HSP90B1: variants seen among roughly 807,000 people sequenced by gnomAD.
HSP90B1 encodes endoplasmin.
HSP90B1 carries 27 observed loss-of-function variants against 100.4 expected under a neutral mutation model. That is an observed-to-expected ratio of 0.27 (90% confidence interval 0.20 to 0.37). The LOEUF (loss-of-function observed/expected upper bound fraction) is 0.37, where lower values mean the gene tolerates loss of function less well. Ranked by LOEUF, HSP90B1 falls within the 10% of genes least tolerant of loss-of-function variation. The pLI, the probability that HSP90B1 is intolerant of heterozygous loss-of-function variation, is 1.00. For missense variants in HSP90B1, 678 were observed against 960.5 expected (o/e 0.71, Z 3.89); for synonymous variants, 304 against 330.8 (o/e 0.92, Z 0.88).
Position 103,932,348 on chromosome 12 carries a change from AG to A in HSP90B1, c.225del (p.Lys75AsnfsTer11). The A allele has an allele frequency of 6.2e-7, 1 of 1,613,398 alleles. No individual in the cohort carries two copies. Among genetic ancestry groups the A allele is most frequent in the Non-Finnish European group, 8.5e-7 (1 of 1,179,512 alleles). On this transcript the variant is annotated frameshift_variant, in exon 3 of 18. Transcript: ENST00000299767. LOFTEE classifies it high-confidence loss of function. The part of the protein sequence containing the change: ...QIRELREKSE[K>X]FAFQAEVNRM... ...AGAGAACTTAGAGAGAAGTCGGAAA[AG>A]TTTGCCTTCCAAGCCGAAGTTAACA...
At chr12:103,937,848 C>A in intron 6 of HSP90B1, 42 bp downstream of exon 6, 1 of 1,005,686 alleles carries the variant, frequency 9.9e-7, no homozygotes, top group Non-Finnish European at 1.5e-6. Context: ...ATTACCTTGG[C>A]ACGTATTTAA....
In HSP90B1 at chr12:103,947,798, C is replaced by A. The variant is rs1248739371; in HGVS notation, c.*136C>A. Reference sequence around the variant, plus strand: ...CTGTAAAATGTGGGATTATGGGTCACAGGAAAAAGTGGGTTTTTTAGTTGA... The same window carrying A: ...CTGTAAAATGTGGGATTATGGGTCAAAGGAAAAAGTGGGTTTTTTAGTTGA... On this transcript the variant is annotated 3_prime_UTR_variant, in exon 18 of 18. Transcript: ENST00000299767. The A allele has an allele frequency of 2.6e-6, 2 of 782,656 alleles. No individual in the cohort carries two copies. The allele number at this position is 782,656 out of a possible 1,614,324, so 48.5% of individuals were successfully genotyped here. A position where few individuals can be genotyped will look rare whatever the true frequency, so the allele number is the denominator to read the frequency against.
chr12:103,941,342 C>A, intron 8 of HSP90B1, 68 bp from the exon 9 acceptor site: 1 of 1,506,794 alleles, frequency 6.6e-7, no homozygotes, highest in Non-Finnish European at 9.1e-7. Context: ...CCACATAGTA[C>A]ATTGCTTAGT....
Position 103,934,299 on chromosome 12 carries a change from C to T in HSP90B1, c.743+12C>T. The T allele has an allele frequency of 6.3e-7, 1 of 1,584,028 alleles. No homozygotes were observed. Among genetic ancestry groups the T allele is most frequent in the Non-Finnish European group, 8.7e-7 (1 of 1,154,038 alleles). On this transcript the variant is annotated intron_variant, in intron 5 of 17. Transcript: ENST00000299767. ...GGAACGACAATTACGTGAGTATGAC[C>T]AATTCCTTATAAGAATTAATAGTCA...
Position 103,938,472 on chromosome 12 carries a change from T to TA in HSP90B1, c.975+14dup. 6.2e-7 allele frequency: 1 copy of TA among 1,608,156 alleles called. No individual in the cohort carries two copies. Among genetic ancestry groups the TA allele is most frequent in the Non-Finnish European group, 8.5e-7 (1 of 1,177,740 alleles). ...AAAGACTAAAAAAGTAAGTCTGGTT[T>TA]ATCTCCCTGCATAAGATATTGTTTA... is the stretch of plus-strand genomic sequence containing the variant. On this transcript the variant is annotated intron_variant, in intron 7 of 17. Coordinates refer to ENST00000299767, the MANE Select transcript of HSP90B1 (RefSeq NM_003299.3).
intron 6 of HSP90B1, among the ~76,000 whole-genome samples, 177 bp downstream of exon 6, chr12:103,937,983 A>G (rs781649345): frequency 6.6e-6 from 1 of 152,168 alleles, no homozygotes; most frequent in Non-Finnish European, 1.5e-5. Flanking sequence ...CCTGGCCAAC[A>G]TGGCGAAACC....
At chr12:103,944,844 G>A (rs1870183523) in intron 14 of HSP90B1, among the ~76,000 whole-genome samples, 1 of 152,200 alleles carries the variant, frequency 6.6e-6, no homozygotes, top group East Asian at 1.9e-4. Flanking sequence ...GTGGGCCACT[G>A]CGCCTGGCCA....
chr12:103,933,639 A>T (rs777787854), intron 4 of HSP90B1, among the ~76,000 whole-genome samples: 11 of 152,248 alleles, frequency 7.2e-5, no homozygotes, highest in Non-Finnish European at 1.2e-4. Context: ...TATTCTAGTA[A>T]AGAAATAGGC....
chr12:103,942,637 T>A lies in HSP90B1; in HGVS notation c.1485T>A (p.Gly495=). The A allele has an allele frequency of 6.2e-7, 1 of 1,614,044 alleles. No homozygotes were observed. Reference sequence around the variant, plus strand: ...AATTTGGTACCAACATCAAGCTTGGTGTGATTGAAGACCACTCGAATCGAA... The same window carrying A: ...AATTTGGTACCAACATCAAGCTTGGAGTGATTGAAGACCACTCGAATCGAA... ...WKEFGTNIKL[G]VIEDHSNRTR... Residue 495 remains glycine (G), a synonymous_variant, in exon 12 of 18, where the codon GGT becomes GGA. Transcript: ENST00000299767.
chr12:103,932,312 C>T lies in HSP90B1; in HGVS notation c.188C>T (p.Ala63Val), dbSNP rs1277061078. The change falls in exon 3 of 18, where the codon GCA becomes GTA. Residue 63 changes from alanine (A) to valine (V), a missense_variant. Physicochemically the swap from Ala to Val is moderately conservative, Grantham distance 64. Around this residue, in one of 8 missense-constraint regions of HSP90B1, gnomAD observed 88 missense variants for 88.2 expected, o/e 1.00. Coordinates refer to ENST00000299767, the MANE Select transcript of HSP90B1 (RefSeq NM_003299.3). ...EEAIQLDGLN[A>V]SQIRELREKS... Reference sequence around the variant, plus strand: ...GCTATTCAGTTGGATGGATTAAATGCATCACAAATAAGAGAACTTAGAGAG... The same window carrying T: ...GCTATTCAGTTGGATGGATTAAATGTATCACAAATAAGAGAACTTAGAGAG... The T allele has an allele frequency of 6.2e-7, 1 of 1,612,334 alleles. No homozygotes were observed. Among genetic ancestry groups the T allele is most frequent in the East Asian group, 2.2e-5 (1 of 44,814 alleles).
rs115211950 is a variant in HSP90B1, at chr12:103,937,435, G to A, written c.744-260G>A. Among the ~76,000 whole-genome samples, 1,065 of 152,226 alleles carry A rather than the reference G, an allele frequency of 7.0e-3. 10 individuals carry two copies. Among genetic ancestry groups the A allele is most frequent in the African/African-American group, 0.024 (1,006 of 41,530 alleles). Reference sequence around the variant, plus strand: ...AAAAATGAAAACAATCTATTCAGACGGTTGGGAATATTTTAATTTTCTACT... The same window carrying A: ...AAAAATGAAAACAATCTATTCAGACAGTTGGGAATATTTTAATTTTCTACT... On this transcript the variant is annotated intron_variant, in intron 5 of 17. Transcript: ENST00000299767.
At chr12:103,939,474 T>C (rs17034955) in intron 7 of HSP90B1, 35 bp from the exon 8 acceptor site, 20,317 of 967,710 alleles carry the variant, frequency 0.021, 295 homozygotes, top group Middle Eastern at 0.055. Context: ...TGGTGAGTGC[T>C]GAGAGAGACT....
intron 2 of HSP90B1, 188 bp downstream of exon 2, chr12:103,931,811 C>T: frequency 3.1e-6 from 2 of 640,090 alleles, no homozygotes; most frequent in South Asian, 1.5e-5. Flanking sequence ...TGAGTGAATT[C>T]CTTTGAAAAC....
intron 8 of HSP90B1, 57 bp downstream of exon 8, chr12:103,939,682 C>T (rs1419911117): frequency 1.3e-6 from 1 of 785,232 alleles, no homozygotes; most frequent in Non-Finnish European, 2.1e-6. Flanking sequence ...AAATATCACC[C>T]TCTTAGTTTA....
intron 6 of HSP90B1, 167 bp from the exon 7 acceptor site, chr12:103,938,170 CAAA>C (rs34582471): frequency 4.5e-3 from 1,630 of 363,880 alleles, no homozygotes; most frequent in Middle Eastern, 7.2e-3. Flanking sequence ...GACTCTGTCT[CAAA>C]AAAAAAAAAA....
Position 103,930,583 on chromosome 12 carries a change from G to C in HSP90B1, c.49+19G>C. On this transcript the variant is annotated intron_variant, in intron 1 of 17. Transcript: ENST00000299767. The surrounding 1 kb of genome is among the most constrained non-coding windows in gnomAD (Gnocchi z 4.4). ...ACCTTCGGTGAGTGATTCTGGAGGA[G>C]CAGACGTCCCCCCTCCACACACGCG... is the stretch of plus-strand genomic sequence containing the variant. 6.2e-7 allele frequency: 1 copy of C among 1,602,770 alleles called. No homozygotes were observed. Among genetic ancestry groups the C allele is most frequent in the Middle Eastern group, 1.9e-4 (1 of 5,214 alleles).
chr12:103,944,912 C>A (rs2583260), intron 14 of HSP90B1, among the ~76,000 whole-genome samples: 22,154 of 152,198 alleles, frequency 0.15, 1,759 homozygotes, highest in Admixed American at 0.2. Flanking sequence ...TGTCACAATT[C>A]TAAAATTCCA....
rs578109532 is a variant in HSP90B1, at chr12:103,947,036, C to T, written c.2262+95C>T. 5.2e-5 allele frequency: 69 copies of T among 1,330,292 alleles called. 1 individual carries two copies. The highest frequency in any genetic ancestry group is 1.9e-4 in the Middle Eastern group (1 of 5,260). 82.4% of individuals were successfully genotyped at this position (1,330,292 alleles called of 1,614,324 possible). A position where few individuals can be genotyped will look rare whatever the true frequency, so the allele number is the denominator to read the frequency against. On this transcript the variant is annotated intron_variant, in intron 16 of 17. Transcript: ENST00000299767. ...CTCATGATTGAGGGATGTAGCTTTG[C>T]GACATTTGCCTAATTTCTACCTTTT...
intron 1 of HSP90B1, among the ~76,000 whole-genome samples, 178 bp from the exon 2 acceptor site, chr12:103,931,343 G>C (rs1869754099): frequency 6.6e-6 from 1 of 152,214 alleles, no homozygotes; most frequent in East Asian, 1.9e-4. Context: ...TTCAGCATCT[G>C]AACTTAAATA....
Sources: allele counts gnomAD v4.1 joint callset (sites outside exome capture counted in the v4.1 genomes callset), GRCh38; gene constraint gnomAD v4.1.1; regional missense constraint gnomAD v4.1.1; non-coding constraint Gnocchi (gnomAD v3.1); transcripts MANE v1.5; gene names NCBI Gene and HGNC (gene_info 2026-07-23, HGNC 2026-07-21).